Variants in PRUNE2 observed in about 807,000 individuals in gnomAD.
PRUNE2 encodes prune homolog 2 with BCH domain.
In PRUNE2, 164 loss-of-function variants were observed where a neutral mutation model predicts 252.0. That is an observed-to-expected ratio of 0.65 (90% CI 0.57 to 0.74). PRUNE2 has a LOEUF of 0.74. Ranked by LOEUF, PRUNE2 falls within the 30% of genes least tolerant of loss-of-function variation. The pLI, the probability that PRUNE2 is intolerant of heterozygous loss-of-function variation, is 0.00. For missense variants in PRUNE2, 3,495 were observed against 3,711.0 expected (o/e 0.94, Z 1.51); for synonymous variants, 1,292 against 1,350.2 (o/e 0.96, Z 0.94).
chr9:76,785,028 G>C (rs2054827922), intron 6 of PRUNE2: 1 of 151,916 alleles, frequency 6.6e-6, no homozygotes, highest in Non-Finnish European at 1.5e-5. Context: ...CCCTTTGTTT[G>C]ATTTTTTTTC....
intron 6 of PRUNE2, chr9:76,784,547 G>A (rs1050296825): frequency 3.9e-5 from 6 of 152,116 alleles, no homozygotes; most frequent in African/African-American, 1.4e-4. Flanking sequence ...TTCCTTCTGG[G>A]CCCAACATTC....
At chr9:76,878,392 T>A (rs1347488167) in intron 1 of PRUNE2, among the ~76,000 whole-genome samples, 1 of 152,206 alleles carries the variant, frequency 6.6e-6, no homozygotes, top group African/African-American at 2.4e-5. Flanking sequence ...TGGCTTCATT[T>A]TTCTCATCTA....
intron 6 of PRUNE2, among the ~76,000 whole-genome samples, chr9:76,807,048 G>GTT (rs2057000204): frequency 6.8e-6 from 1 of 148,118 alleles, no homozygotes; most frequent in Non-Finnish European, 1.5e-5. Flanking sequence ...GTGTGTGTGT[G>GTT]TGTGCGCGCG....
At chr9:76,631,550 G>T (rs531419605) in intron 15 of PRUNE2, among the ~76,000 whole-genome samples, 7 of 152,280 alleles carry the variant, frequency 4.6e-5, no homozygotes, top group South Asian at 2.1e-4. Context: ...AGATGCAATT[G>T]TATCCTGTTA....
chr9:76,702,191 C>G (rs1381608066), intron 9 of PRUNE2, among the ~76,000 whole-genome samples: 2 of 151,928 alleles, frequency 1.3e-5, no homozygotes, highest in Admixed American at 1.3e-4. Flanking sequence ...TCCCAAGTAG[C>G]TGGGATTACA....
chr9:76,846,515 C>T lies in PRUNE2; in HGVS notation c.508G>A (p.Gly170Ser). Residue 170 changes from glycine (G) to serine (S), a missense_variant and splice_region_variant, in exon 4 of 19, where the codon GGT becomes AGT. Physicochemically the swap from Gly to Ser is moderately conservative, Grantham distance 56. Coordinates refer to ENST00000376718, the MANE Select transcript of PRUNE2 (RefSeq NM_015225.3). Reference sequence around the variant, plus strand: ...TTTAATAGGAAGAGCCATCTCTCACCTCTGAGGCGATGAGCCAGTTGCTCG... The same window carrying T: ...TTTAATAGGAAGAGCCATCTCTCACTTCTGAGGCGATGAGCCAGTTGCTCG... ...ITEQLAHRLRGSILFKWMTME... is the reference protein window; with the variant it reads ...ITEQLAHRLRSSILFKWMTME... 1 of 1,612,936 alleles carries T rather than the reference C, an allele frequency of 6.2e-7. No homozygotes were observed. Among genetic ancestry groups the T allele is most frequent in the African/African-American group, 1.3e-5 (1 of 75,022 alleles).
chr9:76,727,963 G>T (rs1357281238), intron 6 of PRUNE2, among the ~76,000 whole-genome samples: 2 of 151,932 alleles, frequency 1.3e-5, no homozygotes, highest in East Asian at 3.9e-4. Flanking sequence ...TGATCTGCCT[G>T]CCTCAGCCTA....
chr9:76,727,650 T>C (rs930660379), intron 6 of PRUNE2, among the ~76,000 whole-genome samples: 12 of 150,682 alleles, frequency 8.0e-5, no homozygotes, highest in African/African-American at 2.7e-4. Flanking sequence ...TTCTTCTTTT[T>C]TTTTTTTTTT....
In PRUNE2 at chr9:76,705,793, C is replaced by T. The variant is rs761272664; in HGVS notation, c.6481G>A (p.Asp2161Asn). 67 of 1,613,718 alleles carry T rather than the reference C, an allele frequency of 4.2e-5. No individual in the cohort carries two copies. In the Admixed American group the frequency reaches 8.3e-4, roughly 20 times the overall value. ...GGCAGCACAGTTGCGTTTTCAGAAT[C>T]GAGTTCTGCATTGGATGGGACAAAC... ...REFVPSNAEL[D>N]SENATVLPPI... Residue 2161 changes from aspartate (D) to asparagine (N), a missense_variant, in exon 8 of 19, where the codon GAT becomes AAT. Coordinates refer to ENST00000376718, the MANE Select transcript of PRUNE2 (RefSeq NM_015225.3).
chr9:76,825,156 T>C (rs533101283), intron 5 of PRUNE2, among the ~76,000 whole-genome samples: 1 of 152,132 alleles, frequency 6.6e-6, no homozygotes, highest in Non-Finnish European at 1.5e-5. Context: ...TGGGTCTGAG[T>C]AGCCCACACT....
intron 16 of PRUNE2, chr9:76,627,750 C>T (rs1835556542): frequency 1.7e-5 from 4 of 230,272 alleles, no homozygotes; most frequent in Admixed American, 1.6e-4. Flanking sequence ...CCAGGCTGAC[C>T]TGAATTTGAA....
At chr9:76,839,811 C>A (rs1394447013) in intron 4 of PRUNE2, among the ~76,000 whole-genome samples, 1 of 152,086 alleles carries the variant, frequency 6.6e-6, no homozygotes, top group Admixed American at 6.5e-5. Context: ...TAGAGGGAGT[C>A]ATGTTATGTT....
Position 76,708,871 on chromosome 9 carries a change from C to A in PRUNE2, c.3403G>T (p.Asp1135Tyr). The A allele has an allele frequency of 6.2e-7, 1 of 1,613,994 alleles. No individual in the cohort carries two copies. The highest frequency in any genetic ancestry group is 8.5e-7 in the Non-Finnish European group (1 of 1,179,898). The stretch of plus-strand genomic sequence containing the variant: ...CCACTGCAGTCATCCCAGTCCAAAT[C>A]ATTGTCCATATCTGAGATCGTTGCA... The part of the protein sequence containing the change: ...STATISDMDN[D>Y]LDWDDCSGGA... Residue 1135 changes from aspartate (D) to tyrosine (Y), a missense_variant, in exon 8 of 19, where the codon GAT (aspartate) becomes TAT (tyrosine). Coordinates refer to ENST00000376718, the MANE Select transcript of PRUNE2 (RefSeq NM_015225.3).
At chr9:76,774,450 C>CTTTTTTTATTTATTTATTTATTTATTTAT (rs1564272256) in intron 6 of PRUNE2, among the ~76,000 whole-genome samples, 3 of 41,402 alleles carry the variant, frequency 7.2e-5, no homozygotes, top group Non-Finnish European at 1.2e-4. Flanking sequence ...CAGTTCAACC[C>CTTTTTTTATTTATTTATTTATTTATTTAT]TTTTTTTTTT....
intron 12 of PRUNE2, among the ~76,000 whole-genome samples, chr9:76,639,029 C>T (rs540173738): frequency 6.6e-6 from 1 of 152,244 alleles, no homozygotes; most frequent in East Asian, 1.9e-4. Flanking sequence ...CAGGCTTAAG[C>T]GTATGTCCTG....
intron 6 of PRUNE2, among the ~76,000 whole-genome samples, chr9:76,736,254 G>A (rs2049064480): frequency 6.6e-6 from 1 of 151,982 alleles, no homozygotes; most frequent in Admixed American, 6.6e-5. Flanking sequence ...GACTCAATGT[G>A]GGTGTGTGAA....
intron 1 of PRUNE2, among the ~76,000 whole-genome samples, chr9:76,889,996 T>C (rs2062368185): frequency 1.3e-5 from 2 of 152,204 alleles, no homozygotes; most frequent in African/African-American, 4.8e-5. Context: ...GGCATTAAAG[T>C]TTAAAGAGCG....
At chr9:76,686,637 G>T (rs2134341385) in intron 9 of PRUNE2, among the ~76,000 whole-genome samples, 1 of 152,020 alleles carries the variant, frequency 6.6e-6, no homozygotes, top group South Asian at 2.1e-4. Context: ...AAAAATTTTT[G>T]GTAGAGTCAG....
intron 6 of PRUNE2, among the ~76,000 whole-genome samples, chr9:76,811,939 G>T (rs1477695037): frequency 6.6e-6 from 1 of 152,248 alleles, no homozygotes; most frequent in Non-Finnish European, 1.5e-5. Flanking sequence ...GAATGGCGCT[G>T]TAGTTGCTGA....
Sources: gnomAD v4.1 joint callset for allele counts (sites outside exome capture counted in the v4.1 genomes callset) on GRCh38, gnomAD v4.1.1 for gene constraint, MANE v1.5 for transcripts, NCBI Gene and HGNC (gene_info 2026-07-23, HGNC 2026-07-21) for gene names.